Variants in POLRMT observed in about 807,000 individuals in gnomAD.
The protein encoded by POLRMT is RNA polymerase mitochondrial, also known as DNA-directed RNA polymerase, mitochondrial.
POLRMT carries 114 observed loss-of-function variants against 132.2 expected under a neutral mutation model. That is an observed-to-expected ratio of 0.86 (90% CI 0.74 to 1.01). POLRMT has a LOEUF of 1.01. POLRMT is among the 50% of genes least tolerant of loss of function. The pLI is 0.00. For synonymous variants in POLRMT, 1,020 were observed against 773.4 expected, an observed-to-expected ratio of 1.32 and a Z score of -5.29; for missense variants, 2,003 against 1,729.1, an observed-to-expected ratio of 1.16 and a Z score of -2.81.
chr19:626,886 T>TATACACACACACAC lies in POLRMT; in HGVS notation c.823-1633_823-1632insGTGTGTGTGTGTAT, dbSNP rs1555676921. ...GACTTGGAGACTCTGTCTTAAAATATACACACACACACATATATATATATA... is the reference window on the plus strand; with the variant it reads ...GACTTGGAGACTCTGTCTTAAAATATATACACACACACACACACACACACACATATATATATATA... On this transcript the variant is annotated intron_variant, in intron 3 of 20. Transcript: ENST00000588649. 7.0e-5 allele frequency among the ~76,000 whole-genome samples: 10 copies of TATACACACACACAC among 143,706 alleles called. No homozygotes were observed. The East Asian group carries it at 9.8e-4, about 14-fold the overall frequency. The allele number at this position is 143,706 out of a possible 152,430, so 94.3% of individuals were successfully genotyped here. A position where few individuals can be genotyped will look rare whatever the true frequency, so the allele number is the denominator to read the frequency against.
intron 13 of POLRMT, 80 bp downstream of exon 13, chr19:619,506 G>A (rs1280835389): frequency 2.1e-5 from 32 of 1,553,050 alleles, no homozygotes; most frequent in Non-Finnish European, 8.8e-7. Context: ...CCTGCTGGGA[G>A]GCTGGGTCGG....
Position 621,241 on chromosome 19 carries a change from G to C in POLRMT, c.2457C>G (p.Asp819Glu). The C allele has an allele frequency of 6.2e-7, 1 of 1,609,020 alleles. No individual in the cohort carries two copies. The highest frequency in any genetic ancestry group is 1.1e-5 in the South Asian group (1 of 90,890). Residue 819 changes from aspartate to glutamate, a missense_variant, in exon 10 of 21, where the codon GAC becomes GAG. Physicochemically the swap from Asp to Glu is conservative, Grantham distance 45. Transcript: ENST00000588649. The stretch of plus-strand genomic sequence containing the variant: ...CGAACTCCAGCAGGGCCCGCGCCAC[G>C]TCGCTGCCCAGGTGGTTGAAGTGCG... ...CPPHFNHLGSDVARALLEFAQ... is the reference protein window; with the variant it reads ...CPPHFNHLGSEVARALLEFAQ...
At chr19:625,621 T>G (rs964983310) in intron 3 of POLRMT, 1 of 188,644 alleles carries the variant, frequency 5.3e-6, no homozygotes, top group African/African-American at 2.4e-5. Context: ...TAACTTCCTC[T>G]CATCTACTTG....
At chr19:620,285 G>C in intron 11 of POLRMT, 80 bp downstream of exon 11, 9 of 1,470,820 alleles carry the variant, frequency 6.1e-6, no homozygotes, top group South Asian at 1.4e-5. Context: ...ACGAGCGAAG[G>C]TGAAATCTCA....
intron 13 of POLRMT, 84 bp downstream of exon 13, chr19:619,501 TG>T: frequency 6.5e-7 from 1 of 1,544,766 alleles, no homozygotes; most frequent in Non-Finnish European, 8.8e-7. Flanking sequence ...GGGCTCCTGC[TG>T]GGAGGCTGGG....
intron 3 of POLRMT, among the ~76,000 whole-genome samples, chr19:626,742 T>C (rs904475333): frequency 7.0e-6 from 1 of 143,868 alleles, no homozygotes; most frequent in Non-Finnish European, 1.5e-5. Flanking sequence ...ATGCCTGTAA[T>C]CTCAGCTACT....
Position 622,932 on chromosome 19 carries a change from C to G in POLRMT, c.1344G>C (p.Ala448=). 6.2e-7 allele frequency: 1 copy of G among 1,612,922 alleles called. No individual in the cohort carries two copies. The highest frequency in any genetic ancestry group is 8.5e-7 in the Non-Finnish European group (1 of 1,179,912). Reference sequence around the variant, plus strand: ...CTAGGCGGTTCTTGGTCTCCCGCAGCGCCCGGCACAGTGCTTTCTCCCATT... The same window carrying G: ...CTAGGCGGTTCTTGGTCTCCCGCAGGGCCCGGCACAGTGCTTTCTCCCATT... ...RDQWEKALCR[A]LRETKNRLER... Residue 448 remains alanine, a synonymous_variant, in exon 7 of 21, where the codon GCG becomes GCC. Transcript: ENST00000588649.
At chr19:629,503 G>A (rs2283577) in intron 3 of POLRMT, 37 bp downstream of exon 3, 275,633 of 1,473,184 alleles carry the variant, frequency 0.19, 26,971 homozygotes, top group South Asian at 0.31. Flanking sequence ...TGTCTCCAAC[G>A]ACCAGGGCAG....
At chr19:630,244 C>T (rs937384182) in intron 2 of POLRMT, 76 bp from the exon 3 acceptor site, 19 of 1,494,794 alleles carry the variant, frequency 1.3e-5, no homozygotes, top group Non-Finnish European at 1.6e-5. Context: ...GACCCTGAGC[C>T]AGGCCAGGAG....
rs1186368013 is a variant in POLRMT at position 621,569 on chromosome 19, T to C, written c.2129A>G (p.Asn710Ser). 7 of 1,455,668 alleles carry C rather than the reference T, an allele frequency of 4.8e-6. No individual in the cohort carries two copies. Among genetic ancestry groups the C allele is most frequent in the Middle Eastern group, 2.5e-4 (1 of 4,016 alleles). 90.2% of individuals were successfully genotyped at this position (1,455,668 alleles called of 1,614,324 possible). A position where few individuals can be genotyped will look rare whatever the true frequency, so the allele number is the denominator to read the frequency against. Residue 710 changes from asparagine (N) to serine (S), a missense_variant, in exon 10 of 21, where the codon AAC (asparagine) becomes AGC (serine). Coordinates refer to ENST00000588649, the MANE Select transcript of POLRMT (RefSeq NM_005035.4). ...TQLGNCAWRVNGRVLDLVLQL... is the reference protein window; with the variant it reads ...TQLGNCAWRVSGRVLDLVLQL... ...CAGCACCAGGTCCAGCACGCGCCCG[T>C]TGACGCGCCAGGCGCAGTTGCCCAG...
rs57880842 is a variant in POLRMT at position 633,529 on chromosome 19, G to GGCGCCGGCGCCGCCGCCGCCGCCGCCGCC, written c.-18_-17insGGCGGCGGCGGCGGCGGCGGCGCCGGCGC. 1.4e-6 allele frequency: 2 copies of GGCGCCGGCGCCGCCGCCGCCGCCGCCGCC among 1,433,808 alleles called. No homozygotes were observed. Among genetic ancestry groups the GGCGCCGGCGCCGCCGCCGCCGCCGCCGCC allele is most frequent in the African/African-American group, 1.5e-5 (1 of 65,532 alleles). 88.8% of individuals were successfully genotyped at this position (1,433,808 alleles called of 1,614,324 possible). On this transcript the variant is annotated 5_prime_UTR_variant, in exon 1 of 21. Transcript: ENST00000588649. The stretch of plus-strand genomic sequence containing the variant: ...TGCCGACATTACGCACGCCGCTCCA[G>GGCGCCGGCGCCGCCGCCGCCGCCGCCGCC]GCCACCCCACCGGCCCGCGCCTGCG...
At position 629,834 on chromosome 19, in the gene POLRMT, C is replaced by G; in HGVS notation, c.528G>C (p.Glu176Asp). 6.2e-7 allele frequency: 1 copy of G among 1,603,874 alleles called. No homozygotes were observed. Among genetic ancestry groups the G allele is most frequent in the South Asian group, 1.1e-5 (1 of 90,140 alleles). ...TCTCGGGGGCCTGGCGCGTGCAGTC[C>G]TCCAGGCACCCGGCCATCTGCTTGC... ...LLSKQMAGCL[E>D]DCTRQAPESP... is the part of the protein sequence containing the mutation. The change falls in exon 3 of 21, where the codon GAG becomes GAC. Residue 176 changes from glutamate to aspartate, a missense_variant. Coordinates refer to ENST00000588649, the MANE Select transcript of POLRMT (RefSeq NM_005035.4).
chr19:620,927 G>GGC (rs1265862094), intron 10 of POLRMT, 131 bp downstream of exon 10: 9 of 300,052 alleles, frequency 3.0e-5, no homozygotes, highest in Admixed American at 7.9e-5. Context: ...ACGGGCAGGG[G>GGC]GCGCCAGGGG....
intron 17 of POLRMT, 110 bp from the exon 18 acceptor site, chr19:617,959 A>C (rs947397632): frequency 2.4e-5 from 23 of 970,832 alleles, no homozygotes; most frequent in Middle Eastern, 2.3e-4. Flanking sequence ...AGGGAAGCCC[A>C]CCCTCCTGCA....
chr19:618,142 C>CA (rs1984158957), intron 17 of POLRMT: 1 of 566,508 alleles, frequency 1.8e-6, no homozygotes, highest in African/African-American at 1.9e-5. Flanking sequence ...CCAGGGCCAC[C>CA]ACCCCGCATC....
Position 622,142 on chromosome 19 carries a change from C to T in POLRMT, c.1851+7G>A, listed in dbSNP as rs769997604. 80 of 1,542,362 alleles carry T rather than the reference C, an allele frequency of 5.2e-5. 1 individual carries two copies. In the South Asian group the frequency reaches 7.9e-4, roughly 15 times the overall value. ...GCCCCCCAGCTCAGGAGGGCACTGCCTGGCACCTGCTGGACGTTGCGGAAG... is the reference window on the plus strand; with the variant it reads ...GCCCCCCAGCTCAGGAGGGCACTGCTTGGCACCTGCTGGACGTTGCGGAAG... On this transcript the variant is annotated splice_region_variant and intron_variant, in intron 9 of 20. Coordinates refer to ENST00000588649, the MANE Select transcript of POLRMT (RefSeq NM_005035.4).
At chr19:618,411 C>G in intron 17 of POLRMT, 77 bp downstream of exon 17, 1 of 1,184,824 alleles carries the variant, frequency 8.4e-7, no homozygotes, top group African/African-American at 1.5e-5. Context: ...CTAGACCCAG[C>G]CTTGCCAGCT....
chr19:618,835 T>C, intron 15 of POLRMT, 75 bp from the exon 16 acceptor site: 2 of 1,492,116 alleles, frequency 1.3e-6, no homozygotes, highest in Admixed American at 2.0e-5. Context: ...GGTGGTACAC[T>C]GGGGTAGTGG....
At position 622,359 on chromosome 19, in the gene POLRMT, G is replaced by A; in HGVS notation, c.1641C>T (p.Cys547=). The A allele has an allele frequency of 6.4e-7, 1 of 1,551,020 alleles. No individual in the cohort carries two copies. Among genetic ancestry groups the A allele is most frequent in the South Asian group, 1.2e-5 (1 of 84,712 alleles). Residue 547 remains cysteine (C), a synonymous_variant, in exon 9 of 21, where the codon TGC becomes TGT. Transcript: ENST00000588649. ...GCTCCTCCCAGTACTGCCGCGGCAG[G>A]CAGGGCTCGGGCACCTGTAGGACAG... The part of the protein sequence containing the change: ...LASDAEVPEP[C]LPRQYWEELG...
Sources: gnomAD v4.1 joint callset for allele counts (sites outside exome capture counted in the v4.1 genomes callset) on GRCh38, gnomAD v4.1.1 for gene constraint, MANE v1.5 for transcripts, NCBI Gene and HGNC (gene_info 2026-07-23, HGNC 2026-07-21) for gene names.